Variants in WDR93 observed in about 807,000 individuals in gnomAD.
WDR93 encodes the protein WD repeat domain 93, also known as WD repeat-containing protein 93.
In WDR93, 73 loss-of-function variants were observed where a neutral mutation model predicts 82.9. The ratio of observed to expected loss-of-function variants is 0.88; its 90% CI spans 0.73 to 1.07. WDR93 has a LOEUF of 1.07. Ranked by LOEUF, WDR93 falls within the 50% of genes least tolerant of loss-of-function variation. The pLI, the probability that WDR93 is intolerant of heterozygous loss-of-function variation, is 0.00. For synonymous variants in WDR93, 283 were observed against 300.1 expected (o/e 0.94, Z 0.59); for missense variants, 738 against 826.0 (o/e 0.89, Z 1.31).
intron 8 of WDR93, among the ~76,000 whole-genome samples, chr15:89,724,335 G>A (rs549218222): frequency 1.3e-5 from 2 of 152,142 alleles, no homozygotes; most frequent in South Asian, 2.1e-4. Flanking sequence ...CAGCGAGCGA[G>A]AACCTGTCTC....
Position 89,702,967 on chromosome 15 carries a change from T to C in WDR93, c.321T>C (p.Asn107=), listed in dbSNP as rs1423464945. 1.9e-6 allele frequency: 3 copies of C among 1,613,980 alleles called. No individual in the cohort carries two copies. The highest frequency in any genetic ancestry group is 1.1e-5 in the South Asian group (1 of 90,992). Residue 107 remains asparagine (N), a synonymous_variant, in exon 3 of 17, where the codon AAT becomes AAC. Coordinates refer to ENST00000268130, the MANE Select transcript of WDR93 (RefSeq NM_020212.2). ...LGEIQLNKMP[N]CMAVSQDYVF... Reference sequence around the variant, plus strand: ...TTTCCCAGCTCAACAAAATGCCAAATTGTATGGCTGTTTCCCAAGACTATG... The same window carrying C: ...TTTCCCAGCTCAACAAAATGCCAAACTGTATGGCTGTTTCCCAAGACTATG...
chr15:89,695,062 C>A (rs1343047400), intron 1 of WDR93, among the ~76,000 whole-genome samples: 2 of 152,080 alleles, frequency 1.3e-5, no homozygotes, highest in Non-Finnish European at 2.9e-5. Context: ...ACCAATACCA[C>A]ACTGTCTTGA....
intron 5 of WDR93, among the ~76,000 whole-genome samples, chr15:89,713,503 T>A (rs1375615040): frequency 6.6e-6 from 1 of 151,924 alleles, no homozygotes; most frequent in Non-Finnish European, 1.5e-5. Context: ...GAAGGAGTCT[T>A]GCTCTGTCAC....
chr15:89,694,598 T>C (rs963475815), intron 1 of WDR93, among the ~76,000 whole-genome samples: 3 of 152,240 alleles, frequency 2.0e-5, no homozygotes, highest in Non-Finnish European at 2.9e-5. Flanking sequence ...AAGTACTTTA[T>C]CAGATAAGTG....
At chr15:89,699,111 C>T (rs1250338020) in intron 1 of WDR93, among the ~76,000 whole-genome samples, 1 of 152,142 alleles carries the variant, frequency 6.6e-6, no homozygotes, top group Non-Finnish European at 1.5e-5. Flanking sequence ...ATCCTCCCAC[C>T]TCAGCCTCCC....
intron 1 of WDR93, among the ~76,000 whole-genome samples, chr15:89,698,296 G>C (rs1429896108): frequency 6.6e-6 from 1 of 152,124 alleles, no homozygotes; most frequent in Non-Finnish European, 1.5e-5. Context: ...ATTAGTGTTA[G>C]CATAGTATAC....
intron 16 of WDR93, among the ~76,000 whole-genome samples, chr15:89,738,639 A>G (rs1967407754): frequency 6.6e-6 from 1 of 151,684 alleles, no homozygotes; most frequent in East Asian, 1.9e-4. Flanking sequence ...AAAAAAAAAA[A>G]AAAAAAGAAA....
At chr15:89,693,228 G>A (rs1484100269) in intron 1 of WDR93, among the ~76,000 whole-genome samples, 4 of 152,182 alleles carry the variant, frequency 2.6e-5, no homozygotes, top group Non-Finnish European at 4.4e-5. Context: ...GTAATATGCA[G>A]GAATGTGATT....
chr15:89,693,219 T>C (rs1455557092), intron 1 of WDR93, among the ~76,000 whole-genome samples: 1 of 152,240 alleles, frequency 6.6e-6, no homozygotes, highest in Non-Finnish European at 1.5e-5. Context: ...TTTCCTACTG[T>C]AATATGCAGG....
chr15:89,692,719 C>T (rs1964961311), intron 1 of WDR93, among the ~76,000 whole-genome samples: 1 of 152,184 alleles, frequency 6.6e-6, no homozygotes, highest in African/African-American at 2.4e-5. Context: ...AAGCGATTCT[C>T]CTGCTTCAGC....
chr15:89,727,168 A>G lies in WDR93; in HGVS notation c.892A>G (p.Lys298Glu). The G allele has an allele frequency of 6.2e-7, 1 of 1,613,470 alleles. No homozygotes were observed. Among genetic ancestry groups the G allele is most frequent in the Non-Finnish European group, 8.5e-7 (1 of 1,179,574 alleles). Reference sequence around the variant, plus strand: ...TATTTTCAACCTAGGCACCACATTCAAAAGCCCCCTGGAAGTCTTTGCAAA... The same window carrying G: ...TATTTTCAACCTAGGCACCACATTCGAAAGCCCCCTGGAAGTCTTTGCAAA... ...PPKPVTGTTF[K>E]SPLEVFAKIK... The change falls in exon 9 of 17, where the codon AAA becomes GAA. Residue 298 changes from lysine (K) to glutamate (E), a missense_variant. By Grantham distance (56) the Lys-to-Glu change is moderately conservative (BLOSUM62 1). Transcript: ENST00000268130.
At chr15:89,690,636 T>A, upstream of WDR93, 1 of 1,550,884 alleles carries the variant, frequency 6.4e-7, no homozygotes, top group Non-Finnish European at 8.7e-7. Context: ...CGTCCATGGC[T>A]TCTAGCCCAA....
intron 16 of WDR93, among the ~76,000 whole-genome samples, chr15:89,742,241 A>C (rs1967736136): frequency 6.6e-6 from 1 of 151,364 alleles, no homozygotes. Context: ...TCTATAAATA[A>C]AAAATTAATT....
At chr15:89,702,650 T>G (rs146985841) in intron 2 of WDR93, among the ~76,000 whole-genome samples, 3,332 of 152,140 alleles carry the variant, frequency 0.022, 133 homozygotes, top group African/African-American at 0.077. Context: ...AGCATTCTCC[T>G]GCCTCAGCCT....
At chr15:89,692,703 G>A (rs1964960019) in intron 1 of WDR93, among the ~76,000 whole-genome samples, 1 of 152,130 alleles carries the variant, frequency 6.6e-6, no homozygotes, top group Non-Finnish European at 1.5e-5. Context: ...TTCGTCTCCC[G>A]GGTTCAAGCG....
At position 89,735,568 on chromosome 15, in the gene WDR93, CCT is replaced by C; in HGVS notation, c.1608+20_1608+21del. On this transcript the variant is annotated intron_variant, in intron 14 of 16. Coordinates refer to ENST00000268130, the MANE Select transcript of WDR93 (RefSeq NM_020212.2). ...TACCTGGCATGGTAGGTTCCCCATG[CCT>C]CTCTGTAAATGCCCCATGCCTCTCA... The C allele has an allele frequency of 6.2e-7, 1 of 1,612,772 alleles. No individual in the cohort carries two copies. The highest frequency in any genetic ancestry group is 8.5e-7 in the Non-Finnish European group (1 of 1,178,766).
intron 2 of WDR93, 127 bp downstream of exon 2, chr15:89,702,176 A>G: frequency 1.9e-6 from 2 of 1,063,004 alleles, no homozygotes; most frequent in Non-Finnish European, 2.7e-6. Flanking sequence ...TTTTTGAAAG[A>G]TTAGAAGCAT....
At chr15:89,738,455 C>T (rs936535651) in intron 16 of WDR93, among the ~76,000 whole-genome samples, 12 of 152,104 alleles carry the variant, frequency 7.9e-5, no homozygotes, top group Middle Eastern at 3.4e-3. Flanking sequence ...GGTGAAACCC[C>T]GTCTCTATTA....
At chr15:89,714,951 C>A in intron 5 of WDR93, 29 bp from the exon 6 acceptor site, 1 of 1,588,230 alleles carries the variant, frequency 6.3e-7, no homozygotes, top group Non-Finnish European at 8.6e-7. Context: ...CTTACAGTTG[C>A]TCAATGGTTC....
Sources: gnomAD v4.1 joint callset for allele counts (sites outside exome capture counted in the v4.1 genomes callset) on GRCh38, gnomAD v4.1.1 for gene constraint, MANE v1.5 for transcripts, NCBI Gene and HGNC (gene_info 2026-07-23, HGNC 2026-07-21) for gene names.